Variants in HPSE2 observed in about 807,000 individuals in gnomAD.
The protein encoded by HPSE2 is inactive heparanase-2.
In HPSE2, 38 loss-of-function variants were observed where a neutral mutation model predicts 60.5. That is an observed-to-expected ratio of 0.63 (90% CI 0.48 to 0.82). The LOEUF is 0.82. HPSE2 is among the 40% of genes least tolerant of loss of function. HPSE2 has a pLI of 0.00. For synonymous variants in HPSE2, 295 were observed against 293.2 expected (o/e 1.01, Z -0.06); for missense variants, 713 against 740.4 (o/e 0.96, Z 0.43).
intron 3 of HPSE2, among the ~76,000 whole-genome samples, chr10:99,108,701 C>A (rs1844342609): frequency 6.6e-6 from 1 of 152,122 alleles, no homozygotes; most frequent in South Asian, 2.1e-4. Flanking sequence ...TATACTGTAG[C>A]CTTAGTCCTT....
chr10:98,465,347 G>A (rs1940481375), intron 11 of HPSE2, among the ~76,000 whole-genome samples: 1 of 152,166 alleles, frequency 6.6e-6, no homozygotes, highest in African/African-American at 2.4e-5. Flanking sequence ...CTGTATTACA[G>A]ATGAGCAAAT....
At chr10:99,308,536 C>T in the HPSE2 span, among the ~76,000 whole-genome samples, 1 of 152,028 alleles carries the variant, frequency 6.6e-6, no homozygotes, top group African/African-American at 2.4e-5. Context: ...ATACGAAATT[C>T]GTTAACCCTT....
chr10:99,181,904 G>A, intron 2 of HPSE2, among the ~76,000 whole-genome samples: 1 of 151,958 alleles, frequency 6.6e-6, no homozygotes, highest in Non-Finnish European at 1.5e-5. Context: ...AGGGAGATTA[G>A]GATATACAAA....
At chr10:99,026,248 C>A (rs1402940338) in intron 3 of HPSE2, among the ~76,000 whole-genome samples, 1 of 151,988 alleles carries the variant, frequency 6.6e-6, no homozygotes, top group African/African-American at 2.4e-5. Flanking sequence ...CACCTATGAA[C>A]ACACAAATTG....
At chr10:98,882,343 G>C (rs1246730829) in intron 3 of HPSE2, among the ~76,000 whole-genome samples, 1 of 151,950 alleles carries the variant, frequency 6.6e-6, no homozygotes, top group Non-Finnish European at 1.5e-5. Context: ...GGCAATAATT[G>C]ATTAATATAC....
chr10:99,241,227 C>A, the HPSE2 span, among the ~76,000 whole-genome samples: 2 of 152,060 alleles, frequency 1.3e-5, no homozygotes, highest in Admixed American at 6.6e-5. Flanking sequence ...ATTGTATAAC[C>A]CTCCAGAACC....
At chr10:99,062,153 TACA>T (rs1842465781) in intron 3 of HPSE2, among the ~76,000 whole-genome samples, 1 of 152,216 alleles carries the variant, frequency 6.6e-6, no homozygotes, top group South Asian at 2.1e-4. Context: ...TGTTCTATTT[TACA>T]ACGAGATTAA....
At chr10:99,165,735 CG>C in intron 2 of HPSE2, among the ~76,000 whole-genome samples, 1 of 151,638 alleles carries the variant, frequency 6.6e-6, no homozygotes, top group Non-Finnish European at 1.5e-5. Flanking sequence ...TTAGTAGAGA[CG>C]GGGTTTCACC....
chr10:98,558,624 T>C (rs1944082594), intron 9 of HPSE2, among the ~76,000 whole-genome samples: 1 of 152,104 alleles, frequency 6.6e-6, no homozygotes, highest in African/African-American at 2.4e-5. Context: ...AGGGAGAACA[T>C]GGGGAGGGGA....
intron 2 of HPSE2, among the ~76,000 whole-genome samples, chr10:99,230,628 C>T (rs1849613175): frequency 6.6e-6 from 1 of 151,992 alleles, no homozygotes; most frequent in African/African-American, 2.4e-5. Flanking sequence ...CAAAGGGAAA[C>T]AAATTGTAGC....
intron 3 of HPSE2, among the ~76,000 whole-genome samples, chr10:99,001,764 T>C (rs1956782003): frequency 1.3e-5 from 2 of 152,048 alleles, no homozygotes; most frequent in South Asian, 4.1e-4. Context: ...ATGTTATGAG[T>C]AAAAAATATG....
chr10:98,487,198 C>A (rs528038420), intron 10 of HPSE2, among the ~76,000 whole-genome samples: 1 of 152,136 alleles, frequency 6.6e-6, no homozygotes, highest in African/African-American at 2.4e-5. Flanking sequence ...ACAAGAAGAT[C>A]GAGGATGAGA....
intron 9 of HPSE2, among the ~76,000 whole-genome samples, chr10:98,601,024 T>A (rs67344039): frequency 6.7e-6 from 1 of 148,564 alleles, no homozygotes; most frequent in East Asian, 2.0e-4. Context: ...TAATTATGGA[T>A]GCTGGGAAGT....
chr10:99,006,094 C>G (rs1307904260), intron 3 of HPSE2, among the ~76,000 whole-genome samples: 1 of 152,134 alleles, frequency 6.6e-6, no homozygotes, highest in Non-Finnish European at 1.5e-5. Flanking sequence ...AAGCCTGTAT[C>G]CACATGAACT....
rs1249784746 is a variant in HPSE2 at position 98,938,929 on chromosome 10, T to A, written c.611-194873A>T. 3.5e-5 allele frequency among the ~76,000 whole-genome samples: 5 copies of A among 144,120 alleles called. 1 individual carries two copies. Among genetic ancestry groups the A allele is most frequent in the Admixed American group, 2.1e-4 (3 of 14,520 alleles). 94.5% of individuals were successfully genotyped at this position (144,120 alleles called of 152,430 possible). The stretch of plus-strand genomic sequence containing the variant: ...AGCCAGAAGAGAGTGGGAGCCAATA[T>A]TCAACATTCTTAAAGAAAAGAATTT... On this transcript the variant is annotated intron_variant, in intron 3 of 11. Coordinates refer to ENST00000370552, the MANE Select transcript of HPSE2 (RefSeq NM_021828.5).
intron 3 of HPSE2, among the ~76,000 whole-genome samples, chr10:99,120,853 T>C (rs533954016): frequency 6.6e-6 from 1 of 152,290 alleles, no homozygotes; most frequent in Non-Finnish European, 1.5e-5. Context: ...TTATACACCA[T>C]GGGTGAGAGT....
intron 3 of HPSE2, among the ~76,000 whole-genome samples, chr10:99,133,884 A>T (rs1845542813): frequency 6.6e-6 from 1 of 152,182 alleles, no homozygotes; most frequent in East Asian, 1.9e-4. Flanking sequence ...TGACAGATCG[A>T]CAGAAGTAGG....
At chr10:98,472,662 G>T (rs949374011) in intron 11 of HPSE2, among the ~76,000 whole-genome samples, 3 of 151,910 alleles carry the variant, frequency 2.0e-5, no homozygotes, top group African/African-American at 4.8e-5. Flanking sequence ...GTGAATCAAA[G>T]AAATGAATAC....
chr10:98,970,380 C>T (rs978542577), intron 3 of HPSE2, among the ~76,000 whole-genome samples: 12 of 152,154 alleles, frequency 7.9e-5, no homozygotes, highest in Admixed American at 7.2e-4. Context: ...CAAACACCTC[C>T]CACCATGCCC....
Sources: gnomAD v4.1 joint callset for allele counts (sites outside exome capture counted in the v4.1 genomes callset) on GRCh38, gnomAD v4.1.1 for gene constraint, MANE v1.5 for transcripts, NCBI Gene and HGNC (gene_info 2026-07-23, HGNC 2026-07-21) for gene names.